KCTD7: variants seen among roughly 807,000 people sequenced by gnomAD.
The protein encoded by KCTD7 is BTB/POZ domain-containing protein KCTD7.
Under a neutral mutation model 27.0 loss-of-function variants are expected in KCTD7, and 15 were observed. The ratio of observed to expected loss-of-function variants is 0.56; its 90% CI spans 0.37 to 0.86. The LOEUF is 0.86. Ranked by LOEUF, KCTD7 falls within the 40% of genes least tolerant of loss-of-function variation. The pLI is 0.00. For missense variants in KCTD7, 299 were observed against 398.9 expected, an observed-to-expected ratio of 0.75 and a Z score of 2.13; for synonymous variants, 159 against 162.7, an observed-to-expected ratio of 0.98 and a Z score of 0.17.
Position 66,640,325 on chromosome 7 carries a change from C to T in KCTD7, c.*1093C>T. The T allele has an allele frequency of 2.0e-6, 3 of 1,534,238 alleles. No individual in the cohort carries two copies. Among genetic ancestry groups the T allele is most frequent in the South Asian group, 1.2e-5 (1 of 83,552 alleles). ...TCCTCACTCCTCTATTTTTGTTTTACTCACTTCTTTATATTTTGTTTTACT... is the reference window on the plus strand; with the variant it reads ...TCCTCACTCCTCTATTTTTGTTTTATTCACTTCTTTATATTTTGTTTTACT... On this transcript the variant is annotated 3_prime_UTR_variant, in exon 4 of 4. Transcript: ENST00000639828.
intron 1 of KCTD7, among the ~76,000 whole-genome samples, chr7:66,631,124 A>T (rs868338849): frequency 6.6e-6 from 1 of 152,144 alleles, no homozygotes; most frequent in South Asian, 2.1e-4. Flanking sequence ...TATTTCTTTC[A>T]TTCATTCGGT....
Position 66,640,496 on chromosome 7 carries a change from G to C in KCTD7, c.*1264G>C. ...AGGGTCTGGACATGCATCTCCTAAA[G>C]GAAGAACTGTGTAGCACCATTGATC... On this transcript the variant is annotated 3_prime_UTR_variant, in exon 4 of 4. Coordinates refer to ENST00000639828, the MANE Select transcript of KCTD7 (RefSeq NM_153033.5). 6.5e-7 allele frequency: 1 copy of C among 1,532,754 alleles called. No individual in the cohort carries two copies. The highest frequency in any genetic ancestry group is 2.0e-5 in the Admixed American group (1 of 50,074). 94.9% of individuals were successfully genotyped at this position (1,532,754 alleles called of 1,614,324 possible). A position where few individuals can be genotyped will look rare whatever the true frequency, so the allele number is the denominator to read the frequency against.
At position 66,642,288 on chromosome 7, in the gene KCTD7, C is replaced by T. The variant is rs1259509331; in HGVS notation, c.*3056C>T. The T allele has an allele frequency of 1.0e-6, 1 of 985,258 alleles. No individual in the cohort carries two copies. The highest frequency in any genetic ancestry group is 1.2e-6 in the Non-Finnish European group (1 of 829,894). 61.0% of individuals were successfully genotyped at this position (985,258 alleles called of 1,614,324 possible). ...CCTCTGCCTTGTTCACCAGGCTGCC[C>T]AGTGCTTACCATGCAGAAAGCAGTC... On this transcript the variant is annotated 3_prime_UTR_variant, in exon 4 of 4. Transcript: ENST00000639828.
At position 66,641,608 on chromosome 7, in the gene KCTD7, C is replaced by T. The variant is rs1486580899; in HGVS notation, c.*2376C>T. 14 of 985,314 alleles carry T rather than the reference C, an allele frequency of 1.4e-5. No individual in the cohort carries two copies. In the South Asian group the frequency reaches 5.6e-4, roughly 40 times the overall value. The allele number at this position is 985,314 out of a possible 1,614,324, so 61.0% of individuals were successfully genotyped here. A position where few individuals can be genotyped will look rare whatever the true frequency, so the allele number is the denominator to read the frequency against. ...TTTCTCTGACTCCCTTTGTGATCCTCACAGTAATGTATTCTGTGCCACTGT... is the reference window on the plus strand; with the variant it reads ...TTTCTCTGACTCCCTTTGTGATCCTTACAGTAATGTATTCTGTGCCACTGT... On this transcript the variant is annotated 3_prime_UTR_variant, in exon 4 of 4. Coordinates refer to ENST00000639828, the MANE Select transcript of KCTD7 (RefSeq NM_153033.5).
intron 3 of KCTD7, 64 bp from the exon 4 acceptor site, chr7:66,638,792 T>C: frequency 6.3e-7 from 1 of 1,592,438 alleles, no homozygotes; most frequent in Admixed American, 1.7e-5. Flanking sequence ...TGTTTCTCTG[T>C]GCATCTCTGC....
At chr7:66,632,317 C>T (rs1337307508) in intron 1 of KCTD7, among the ~76,000 whole-genome samples, 5 of 151,808 alleles carry the variant, frequency 3.3e-5, no homozygotes, top group Non-Finnish European at 7.4e-5. Context: ...GAAACCCTAT[C>T]TCTACTAAAA....
chr7:66,634,939 T>C (rs571581175), intron 2 of KCTD7, among the ~76,000 whole-genome samples: 6 of 151,590 alleles, frequency 4.0e-5, no homozygotes, highest in South Asian at 4.2e-4. Flanking sequence ...TTGGTTGAGC[T>C]CAGGAGTTGG....
chr7:66,630,403 C>T (rs1388536070), intron 1 of KCTD7, among the ~76,000 whole-genome samples: 6 of 152,122 alleles, frequency 3.9e-5, no homozygotes, highest in Non-Finnish European at 4.4e-5. Context: ...CCAGCTTGGG[C>T]AACACAGACT....
At position 66,639,443 on chromosome 7, in the gene KCTD7, A is replaced by G. The variant is rs1035207417; in HGVS notation, c.*211A>G. 7 of 1,459,280 alleles carry G rather than the reference A, an allele frequency of 4.8e-6. No individual in the cohort carries two copies. Among genetic ancestry groups the G allele is most frequent in the South Asian group, 4.2e-5 (3 of 72,022 alleles). 90.4% of individuals were successfully genotyped at this position (1,459,280 alleles called of 1,614,324 possible). On this transcript the variant is annotated 3_prime_UTR_variant, in exon 4 of 4. Coordinates refer to ENST00000639828, the MANE Select transcript of KCTD7 (RefSeq NM_153033.5). ...GGCTCAGGGCTTGCGGCCTGCAGGC[A>G]CTCCAGCCAGCGCTCACCTGGCCTT...
chr7:66,630,828 G>T (rs564962439), intron 1 of KCTD7, among the ~76,000 whole-genome samples: 1 of 152,276 alleles, frequency 6.6e-6, no homozygotes, highest in Non-Finnish European at 1.5e-5. Context: ...TGATGACATT[G>T]CCCCATGTGA....
chr7:66,641,666 A>G lies in KCTD7; in HGVS notation c.*2434A>G. 1 of 985,446 alleles carries G rather than the reference A, an allele frequency of 1.0e-6. No individual in the cohort carries two copies. The highest frequency in any genetic ancestry group is 1.2e-6 in the Non-Finnish European group (1 of 829,936). The allele number at this position is 985,446 out of a possible 1,614,324, so 61.0% of individuals were successfully genotyped here. On this transcript the variant is annotated 3_prime_UTR_variant, in exon 4 of 4. Coordinates refer to ENST00000639828, the MANE Select transcript of KCTD7 (RefSeq NM_153033.5). Reference sequence around the variant, plus strand: ...AAGGCTCTGGGCCAGTAGAACAGGCAGAGAGGTGACACTGGGCAGCAAGCT... The same window carrying G: ...AAGGCTCTGGGCCAGTAGAACAGGCGGAGAGGTGACACTGGGCAGCAAGCT...
chr7:66,634,228 A>ATC (rs1232375703), intron 2 of KCTD7, among the ~76,000 whole-genome samples: 2 of 150,318 alleles, frequency 1.3e-5, no homozygotes, highest in Non-Finnish European at 3.0e-5. Flanking sequence ...CTATCTATCT[A>ATC]TAAAAATAAA....
intron 2 of KCTD7, among the ~76,000 whole-genome samples, chr7:66,634,705 ACTT>A (rs1372239769): frequency 3.3e-5 from 5 of 151,792 alleles, no homozygotes; most frequent in Admixed American, 6.6e-5. Context: ...TGGTTACCAG[ACTT>A]CTTTCAGTAG....
intron 1 of KCTD7, among the ~76,000 whole-genome samples, chr7:66,629,851 G>A (rs946921725): frequency 6.6e-6 from 1 of 152,200 alleles, no homozygotes; most frequent in Non-Finnish European, 1.5e-5. Context: ...CATAGATGTA[G>A]GCACGGTCAC....
At position 66,638,843 on chromosome 7, in the gene KCTD7, T is replaced by C; in HGVS notation, c.494-13T>C. 6.2e-7 allele frequency: 1 copy of C among 1,613,878 alleles called. No individual in the cohort carries two copies. The highest frequency in any genetic ancestry group is 1.1e-5 in the South Asian group (1 of 91,076). On this transcript the variant is annotated splice_polypyrimidine_tract_variant and intron_variant, in intron 3 of 3. Transcript: ENST00000639828. ...CTTCACCCTAGTGATAGGTGTTGTG[T>C]TCATCCTTATAGACCACTTGGAGCG...
Position 66,641,138 on chromosome 7 carries a change from G to A in KCTD7, c.*1906G>A, listed in dbSNP as rs781560681. 2 of 985,400 alleles carry A rather than the reference G, an allele frequency of 2.0e-6. No individual in the cohort carries two copies. The highest frequency in any genetic ancestry group is 2.4e-6 in the Non-Finnish European group (2 of 829,936). The allele number at this position is 985,400 out of a possible 1,614,324, so 61.0% of individuals were successfully genotyped here. ...GATAGTCATTCACGTTCTGAGATAT[G>A]CGCTCTCTCTATTGTTCTCGTACAC... On this transcript the variant is annotated 3_prime_UTR_variant, in exon 4 of 4. Coordinates refer to ENST00000639828, the MANE Select transcript of KCTD7 (RefSeq NM_153033.5).
In KCTD7 at chr7:66,638,956, C is replaced by T. The variant is rs749192199; in HGVS notation, c.594C>T (p.Pro198=). The part of the protein sequence containing the change: ...LKVCVFKEEM[P]ITPYECPLLN... ...TCTGTGTCTTCAAGGAGGAGATGCC[C>T]ATCACCCCCTATGAGTGTCCGCTCC... is the stretch of plus-strand genomic sequence containing the variant. Residue 198 remains proline, a synonymous_variant, in exon 4 of 4, where the codon CCC becomes CCT. Transcript: ENST00000639828. 53 of 1,614,048 alleles carry T rather than the reference C, an allele frequency of 3.3e-5. No individual in the cohort carries two copies. Among genetic ancestry groups the T allele is most frequent in the Non-Finnish European group, 4.4e-5 (52 of 1,180,036 alleles).
chr7:66,632,028 GAC>G (rs1786455206), intron 1 of KCTD7, among the ~76,000 whole-genome samples: 1 of 152,330 alleles, frequency 6.6e-6, no homozygotes, highest in African/African-American at 2.4e-5. Context: ...AGGAGAATAT[GAC>G]ACACGGTGAA....
chr7:66,642,777 C>T lies in KCTD7; in HGVS notation c.*3545C>T. On this transcript the variant is annotated 3_prime_UTR_variant, in exon 4 of 4. Coordinates refer to ENST00000639828, the MANE Select transcript of KCTD7 (RefSeq NM_153033.5). ...GGTGGGAGAGGCACTTTTTGGAATT[C>T]TGAAAGAATCATATCTGTGTATATA... 1 of 985,036 alleles carries T rather than the reference C, an allele frequency of 1.0e-6. No homozygotes were observed. The highest frequency in any genetic ancestry group is 1.2e-6 in the Non-Finnish European group (1 of 829,894). 61.0% of individuals were successfully genotyped at this position (985,036 alleles called of 1,614,324 possible). A position where few individuals can be genotyped will look rare whatever the true frequency, so the allele number is the denominator to read the frequency against.
Sources: gnomAD v4.1 joint callset for allele counts (sites outside exome capture counted in the v4.1 genomes callset) on GRCh38, gnomAD v4.1.1 for gene constraint, MANE v1.5 for transcripts, NCBI Gene and HGNC (gene_info 2026-07-23, HGNC 2026-07-21) for gene names.